The following CUX2 variants were observed in gnomAD, a reference collection of about 807,000 sequenced individuals.
CUX2 encodes the protein homeobox protein cut-like 2.
In CUX2, 40 loss-of-function variants were observed where a neutral mutation model predicts 144.8. That is an observed-to-expected ratio of 0.28 (90% CI 0.21 to 0.36). CUX2 has a LOEUF of 0.36. Ranked by LOEUF, CUX2 falls within the 10% of genes least tolerant of loss-of-function variation. The pLI is 1.00. For missense variants in CUX2, 1,615 were observed against 1,994.0 expected (o/e 0.81, Z 3.62); for synonymous variants, 827 against 875.6 (o/e 0.94, Z 0.98).
chr12:111,312,646 G>A lies in CUX2; in HGVS notation c.2002+445G>A, dbSNP rs893928806. ...ACCCGGGAGGCGGAGGTTGCAGTGA[G>A]CCGAGATCACACCACTGCACTCCAG... On this transcript the variant is annotated intron_variant, in intron 16 of 21. Transcript: ENST00000261726. This position sits in a 1 kb window ranked among gnomAD's most constrained non-coding sequence, Gnocchi z 4.3. Among the ~76,000 whole-genome samples the A allele has an allele frequency of 2.0e-5, 3 of 150,396 alleles. No individual in the cohort carries two copies. The highest frequency in any genetic ancestry group is 4.4e-5 in the Non-Finnish European group (3 of 67,492).
chr12:111,195,416 G>A (rs191926816), intron 1 of CUX2, among the ~76,000 whole-genome samples: 16 of 152,298 alleles, frequency 1.1e-4, no homozygotes, highest in African/African-American at 3.8e-4. Context: ...CTTTAGAATA[G>A]AAATCATCTG....
rs1490475836 is a variant in CUX2, at chr12:111,246,783, T to C, written c.223-16978T>C. On this transcript the variant is annotated intron_variant, in intron 3 of 21. Coordinates refer to ENST00000261726, the MANE Select transcript of CUX2 (RefSeq NM_015267.4). The surrounding 1 kb of genome is among the most constrained non-coding windows in gnomAD (Gnocchi z 4.0). Reference sequence around the variant, plus strand: ...CCTCCTGTTGAATCAACGGCCTGCCTCTCTTGTGTGAGCCTGTGCCTCTTC... The same window carrying C: ...CCTCCTGTTGAATCAACGGCCTGCCCCTCTTGTGTGAGCCTGTGCCTCTTC... Among the ~76,000 whole-genome samples the C allele has an allele frequency of 1.3e-5, 2 of 152,140 alleles. No individual in the cohort carries two copies. The highest frequency in any genetic ancestry group is 2.9e-5 in the Non-Finnish European group (2 of 68,036).
intron 1 of CUX2, among the ~76,000 whole-genome samples, chr12:111,086,976 A>G (rs1369518138): frequency 6.6e-6 from 1 of 152,230 alleles, no homozygotes; most frequent in African/African-American, 2.4e-5. Flanking sequence ...ACCCATTGCT[A>G]TTCGAGCTGT....
In CUX2 at chr12:111,330,714, T is replaced by TACATATAC. The variant is rs1565926154; in HGVS notation, c.2927-3726_2927-3725insCATATACA. On this transcript the variant is annotated intron_variant, in intron 18 of 21. Coordinates refer to ENST00000261726, the MANE Select transcript of CUX2 (RefSeq NM_015267.4). ...ATATATATATATATATATATATATA[T>TACATATAC]ATATATATATATATATATATATATA... is the stretch of plus-strand genomic sequence containing the variant. Among the ~76,000 whole-genome samples, 53 of 36,454 alleles carry TACATATAC rather than the reference T, an allele frequency of 1.5e-3. 1 individual carries two copies. Among genetic ancestry groups the TACATATAC allele is most frequent in the African/African-American group, 7.5e-3 (47 of 6,236 alleles). 23.9% of individuals were successfully genotyped at this position (36,454 alleles called of 152,430 possible). A position where few individuals can be genotyped will look rare whatever the true frequency, so the allele number is the denominator to read the frequency against.
At chr12:111,268,778 C>G (rs1884506099) in intron 4 of CUX2, among the ~76,000 whole-genome samples, 2 of 152,218 alleles carry the variant, frequency 1.3e-5, no homozygotes, top group Admixed American at 6.5e-5. Flanking sequence ...TCAGTGATAT[C>G]TAGAAAAAGA....
intron 1 of CUX2, among the ~76,000 whole-genome samples, chr12:111,162,542 G>C (rs1273342874): frequency 6.6e-6 from 1 of 152,230 alleles, no homozygotes; most frequent in Non-Finnish European, 1.5e-5. Context: ...ATGGCTCACT[G>C]GGACAGCTCT....
intron 1 of CUX2, among the ~76,000 whole-genome samples, chr12:111,213,873 C>T (rs1264370659): frequency 6.6e-6 from 1 of 151,606 alleles, no homozygotes; most frequent in African/African-American, 2.4e-5. Flanking sequence ...TGCCATCACT[C>T]CTTTGGAAAT....
intron 1 of CUX2, among the ~76,000 whole-genome samples, chr12:111,192,818 A>G (rs1879979497): frequency 6.6e-6 from 1 of 152,216 alleles, no homozygotes; most frequent in South Asian, 2.1e-4. Context: ...TTTCACAAAC[A>G]CATGGTGGAA....
rs1057306177 is a variant in CUX2, at chr12:111,320,799, T to C, written c.2766+24T>C. 3.4e-6 allele frequency: 5 copies of C among 1,478,182 alleles called. No individual in the cohort carries two copies. Among genetic ancestry groups the C allele is most frequent in the Non-Finnish European group, 4.5e-6 (5 of 1,117,856 alleles). The allele number at this position is 1,478,182 out of a possible 1,614,324, so 91.6% of individuals were successfully genotyped here. A position where few individuals can be genotyped will look rare whatever the true frequency, so the allele number is the denominator to read the frequency against. On this transcript the variant is annotated intron_variant, in intron 17 of 21. Transcript: ENST00000261726. This position sits in a 1 kb window ranked among gnomAD's most constrained non-coding sequence, Gnocchi z 8.1. ...AGGTGAGTGCAGGGCGGGCCCCCGGTGTCTGGGCTCTGGGAGAAGATGTCG... is the reference window on the plus strand; with the variant it reads ...AGGTGAGTGCAGGGCGGGCCCCCGGCGTCTGGGCTCTGGGAGAAGATGTCG...
chr12:111,308,572 G>A lies in CUX2; in HGVS notation c.1258+46G>A, dbSNP rs1354874811. 5 of 1,522,260 alleles carry A rather than the reference G, an allele frequency of 3.3e-6. No individual in the cohort carries two copies. In the Admixed American group the frequency reaches 7.6e-5, roughly 23 times the overall value. The allele number at this position is 1,522,260 out of a possible 1,614,324, so 94.3% of individuals were successfully genotyped here. On this transcript the variant is annotated intron_variant, in intron 14 of 21. Coordinates refer to ENST00000261726, the MANE Select transcript of CUX2 (RefSeq NM_015267.4). ...GGGGCTGAGGGCTGGGGCGGGGGCT[G>A]CCTGTGGGTCTCTGGCCTTCTCATG...
intron 1 of CUX2, among the ~76,000 whole-genome samples, chr12:111,135,274 A>G (rs1208859441): frequency 6.6e-6 from 1 of 152,102 alleles, no homozygotes; most frequent in Admixed American, 6.5e-5. Flanking sequence ...GCAGTTTTAA[A>G]TAGAGTTTCA....
intron 3 of CUX2, among the ~76,000 whole-genome samples, chr12:111,262,457 C>A (rs958715811): frequency 1.6e-4 from 24 of 150,664 alleles, no homozygotes; most frequent in African/African-American, 5.6e-4. Flanking sequence ...TAGCTCATGG[C>A]AGCCTCGAAA....
At chr12:111,167,546 A>G (rs1878226541) in intron 1 of CUX2, among the ~76,000 whole-genome samples, 1 of 152,220 alleles carries the variant, frequency 6.6e-6, no homozygotes, top group African/African-American at 2.4e-5. Flanking sequence ...CAGGATTTGC[A>G]GTCATAGCCT....
chr12:111,307,337 T>TC lies in CUX2; in HGVS notation c.1109+83dup. On this transcript the variant is annotated intron_variant, in intron 12 of 21. Coordinates refer to ENST00000261726, the MANE Select transcript of CUX2 (RefSeq NM_015267.4). This position sits in a 1 kb window ranked among gnomAD's most constrained non-coding sequence, Gnocchi z 4.1. Reference sequence around the variant, plus strand: ...CTCTTGGCAAAGTTCATCATCTTCCTCCCTCCTACTAAACCCCATTTGTTC... The same window carrying TC: ...CTCTTGGCAAAGTTCATCATCTTCCTCCCCTCCTACTAAACCCCATTTGTTC... The TC allele has an allele frequency of 7.9e-7, 1 of 1,267,080 alleles. No homozygotes were observed. Among genetic ancestry groups the TC allele is most frequent in the Admixed American group, 1.9e-5 (1 of 52,392 alleles). 78.5% of individuals were successfully genotyped at this position (1,267,080 alleles called of 1,614,324 possible). A position where few individuals can be genotyped will look rare whatever the true frequency, so the allele number is the denominator to read the frequency against.
intron 9 of CUX2, among the ~76,000 whole-genome samples, chr12:111,303,222 A>G (rs1345085715): frequency 2.2e-4 from 11 of 50,558 alleles, no homozygotes; most frequent in Admixed American, 3.6e-4. Flanking sequence ...CCCTGTCTCG[A>G]AAAAAAAAAA....
At chr12:111,181,714 G>T (rs539833878) in intron 1 of CUX2, among the ~76,000 whole-genome samples, 1 of 152,284 alleles carries the variant, frequency 6.6e-6, no homozygotes, top group South Asian at 2.1e-4. Context: ...AACAAACAGT[G>T]GTGCACAGAA....
intron 1 of CUX2, among the ~76,000 whole-genome samples, chr12:111,054,342 G>A (rs1870423178): frequency 6.6e-6 from 1 of 152,090 alleles, no homozygotes; most frequent in Non-Finnish European, 1.5e-5. Flanking sequence ...ATAAGCGTGT[G>A]AGTTATAATA....
chr12:111,136,033 G>A (rs11065812), intron 1 of CUX2, among the ~76,000 whole-genome samples: 1,791 of 152,300 alleles, frequency 0.012, 51 homozygotes, highest in African/African-American at 0.041. Context: ...GGGCCCGGGT[G>A]AGGACTTCAG....
At chr12:111,336,278 T>G (rs1888344728) in intron 19 of CUX2, among the ~76,000 whole-genome samples, 1 of 152,110 alleles carries the variant, frequency 6.6e-6, no homozygotes. Context: ...GAGGGATGTA[T>G]GCAAACCCCA....
Sources: allele counts gnomAD v4.1 joint callset (sites outside exome capture counted in the v4.1 genomes callset), GRCh38; gene constraint gnomAD v4.1.1; non-coding constraint Gnocchi (gnomAD v3.1); transcripts MANE v1.5; gene names NCBI Gene and HGNC (gene_info 2026-07-23, HGNC 2026-07-21).